SPHKAP: variants seen among roughly 807,000 people sequenced by gnomAD.
SPHKAP encodes SPHK1 interactor, AKAP domain containing, also known as A-kinase anchor protein SPHKAP.
Under a neutral mutation model 137.5 loss-of-function variants are expected in SPHKAP, and 67 were observed. The ratio of observed to expected loss-of-function variants is 0.49; its 90% CI spans 0.40 to 0.60. The LOEUF (loss-of-function observed/expected upper bound fraction) is 0.60, where lower values mean the gene tolerates loss of function less well. SPHKAP is among the 20% of genes least tolerant of loss of function. SPHKAP has a pLI of 0.00. For synonymous variants in SPHKAP, 813 were observed against 785.3 expected (o/e 1.04, Z -0.59); for missense variants, 2,097 against 2,069.3 (o/e 1.01, Z -0.26).
At chr2:228,105,942 A>G (rs1392015437) in intron 3 of SPHKAP, among the ~76,000 whole-genome samples, 1 of 152,134 alleles carries the variant, frequency 6.6e-6, no homozygotes, top group Non-Finnish European at 1.5e-5. Context: ...TTGAAAAACT[A>G]CTGAAGATGT....
intron 3 of SPHKAP, among the ~76,000 whole-genome samples, chr2:228,055,910 C>T (rs2106279650): frequency 6.6e-6 from 1 of 152,324 alleles, no homozygotes; most frequent in South Asian, 2.1e-4. Flanking sequence ...ATCCACAGAT[C>T]CCAGGGGTGA....
intron 1 of SPHKAP, among the ~76,000 whole-genome samples, chr2:228,153,102 C>T (rs529009363): frequency 3.9e-5 from 6 of 152,232 alleles, no homozygotes; most frequent in Admixed American, 1.3e-4. Flanking sequence ...GATTGTGAGG[C>T]CTCCCTAGCC....
At chr2:228,156,759 G>T (rs1441584775) in intron 1 of SPHKAP, among the ~76,000 whole-genome samples, 1 of 152,092 alleles carries the variant, frequency 6.6e-6, no homozygotes, top group Non-Finnish European at 1.5e-5. Context: ...TTATGATAGC[G>T]ACTAAGTCTC....
chr2:228,003,166 T>C (rs1326027696), intron 7 of SPHKAP, among the ~76,000 whole-genome samples: 2 of 152,186 alleles, frequency 1.3e-5, no homozygotes, highest in African/African-American at 2.4e-5. Context: ...GCAGTATGGC[T>C]ATTTTCACGA....
At chr2:228,131,871 T>A (rs1699263601) in intron 2 of SPHKAP, 109 bp downstream of exon 2, 1 of 1,439,620 alleles carries the variant, frequency 6.9e-7, no homozygotes, top group Non-Finnish European at 9.4e-7. Context: ...AGCCATTTTG[T>A]TGTTTGTTTT....
intron 11 of SPHKAP, among the ~76,000 whole-genome samples, chr2:227,985,285 A>G (rs1559332659): frequency 6.6e-6 from 1 of 152,210 alleles, no homozygotes; most frequent in African/African-American, 2.4e-5. Flanking sequence ...GGCCGTGACG[A>G]CTTAATCTTG....
At chr2:228,075,420 T>C (rs1357627673) in intron 3 of SPHKAP, among the ~76,000 whole-genome samples, 1 of 151,740 alleles carries the variant, frequency 6.6e-6, no homozygotes, top group African/African-American at 2.4e-5. Context: ...AAGGCTTGCT[T>C]CTTTTTTTTT....
intron 1 of SPHKAP, among the ~76,000 whole-genome samples, chr2:228,160,431 C>T (rs1700240323): frequency 6.6e-6 from 1 of 152,174 alleles, no homozygotes; most frequent in Non-Finnish European, 1.5e-5. Flanking sequence ...AGGAAACTTA[C>T]AATCATGGCA....
intron 1 of SPHKAP, among the ~76,000 whole-genome samples, chr2:228,178,218 G>A (rs1700795814): frequency 6.6e-6 from 1 of 152,148 alleles, no homozygotes; most frequent in Non-Finnish European, 1.5e-5. Flanking sequence ...AACTGGACTT[G>A]AAGGCAGAAA....
chr2:228,078,217 T>C (rs1003617935), intron 3 of SPHKAP, among the ~76,000 whole-genome samples: 1 of 152,188 alleles, frequency 6.6e-6, no homozygotes, highest in Non-Finnish European at 1.5e-5. Context: ...TCTCAATGAC[T>C]GTAAGTGAAG....
At chr2:228,044,967 C>A (rs1387421428) in intron 3 of SPHKAP, among the ~76,000 whole-genome samples, 1 of 152,086 alleles carries the variant, frequency 6.6e-6, no homozygotes, top group Non-Finnish European at 1.5e-5. Context: ...CAAAAGAAGA[C>A]ATTTATGCAG....
chr2:228,016,323 A>T (rs1694588590), intron 7 of SPHKAP, 83 bp downstream of exon 7: 1 of 1,460,508 alleles, frequency 6.8e-7, no homozygotes. Context: ...CAAATCCTTT[A>T]TGTCTAAAAT....
chr2:228,034,756 A>C (rs1695513346), intron 3 of SPHKAP, among the ~76,000 whole-genome samples: 1 of 152,240 alleles, frequency 6.6e-6, no homozygotes, highest in Non-Finnish European at 1.5e-5. Flanking sequence ...AATCCAGCAT[A>C]TAAACAGAAC....
chr2:228,108,697 C>A, intron 3 of SPHKAP, 135 bp downstream of exon 3: 1 of 605,906 alleles, frequency 1.7e-6, no homozygotes, highest in South Asian at 2.2e-5. Context: ...CCATATAAAC[C>A]CGCTATGTAT....
intron 1 of SPHKAP, among the ~76,000 whole-genome samples, chr2:228,172,569 G>T (rs1011872968): frequency 6.6e-6 from 1 of 152,206 alleles, no homozygotes; most frequent in Non-Finnish European, 1.5e-5. Flanking sequence ...CCAATGCAAA[G>T]CCTATCTGAT....
intron 1 of SPHKAP, among the ~76,000 whole-genome samples, chr2:228,161,289 G>C (rs1188863439): frequency 6.6e-6 from 1 of 152,240 alleles, no homozygotes; most frequent in Non-Finnish European, 1.5e-5. Flanking sequence ...GAAAAGCCTG[G>C]ATAGGAAGAC....
intron 7 of SPHKAP, among the ~76,000 whole-genome samples, chr2:228,005,450 T>C (rs887230088): frequency 1.3e-4 from 20 of 152,184 alleles, no homozygotes; most frequent in African/African-American, 4.8e-4. Context: ...TGTCTCTGCA[T>C]GTGAGATGGG....
At chr2:228,016,286 T>G in intron 7 of SPHKAP, 120 bp downstream of exon 7, 6 of 1,406,220 alleles carry the variant, frequency 4.3e-6, no homozygotes, top group Admixed American at 2.7e-5. Context: ...TTTTTTTTGG[T>G]CTTGAAAATT....
chr2:228,060,191 A>G (rs73997205), intron 3 of SPHKAP, among the ~76,000 whole-genome samples: 2,862 of 152,286 alleles, frequency 0.019, 81 homozygotes, highest in African/African-American at 0.065. Context: ...TTGTTTGTGT[A>G]GAATAGACTG....
Sources: gnomAD v4.1 joint callset for allele counts (sites outside exome capture counted in the v4.1 genomes callset) on GRCh38, gnomAD v4.1.1 for gene constraint, MANE v1.5 for transcripts, NCBI Gene and HGNC (gene_info 2026-07-23, HGNC 2026-07-21) for gene names.